Variants in FOXRED1 observed in about 807,000 individuals in gnomAD.
FOXRED1 encodes FAD dependent oxidoreductase domain containing 1.
In FOXRED1, 52 loss-of-function variants were observed where a neutral mutation model predicts 57.8. The ratio of observed to expected loss-of-function variants is 0.90; its 90% CI spans 0.72 to 1.13. The LOEUF (loss-of-function observed/expected upper bound fraction) is 1.13. FOXRED1 is among the 50% of genes most tolerant of loss of function. The pLI is 0.00. For missense variants in FOXRED1, 589 were observed against 625.2 expected (o/e 0.94, Z 0.62); for synonymous variants, 271 against 248.3 (o/e 1.09, Z -0.86).
chr11:126,277,148 G>C lies in FOXRED1; in HGVS notation c.1179G>C (p.Leu393=), dbSNP rs771774275. The change falls in exon 10 of 11, where the codon CTG becomes CTC. Residue 393 remains leucine, a synonymous_variant. Transcript: ENST00000263578. This position sits in a 1 kb window ranked among gnomAD's most constrained non-coding sequence, Gnocchi z 6.8. ...FQDKVWPHLA[L]RVPAFETLKV... ...ACAAGGTGTGGCCCCATTTGGCCCTGAGGGTCCCAGCTTTTGAGACTCTGA... is the reference window on the plus strand; with the variant it reads ...ACAAGGTGTGGCCCCATTTGGCCCTCAGGGTCCCAGCTTTTGAGACTCTGA... 1 of 1,612,306 alleles carries C rather than the reference G, an allele frequency of 6.2e-7. No homozygotes were observed. The highest frequency in any genetic ancestry group is 1.1e-5 in the South Asian group (1 of 91,052).
In FOXRED1 at chr11:126,276,578, A is replaced by G. The variant is rs1237164998; in HGVS notation, c.1101+55A>G. On this transcript the variant is annotated intron_variant, in intron 9 of 10. Transcript: ENST00000263578. The stretch of plus-strand genomic sequence containing the variant: ...AAGGAGACATAGAATAATTGTCACG[A>G]AACAATCAGGCTTTTGGCCAGGCAC... 7 of 1,581,652 alleles carry G rather than the reference A, an allele frequency of 4.4e-6. No individual in the cohort carries two copies. The East Asian group carries it at 1.6e-4, about 37-fold the overall frequency.
At chr11:126,269,349 G>A (rs1203502655) in intron 1 of FOXRED1, 58 bp downstream of exon 1, 4 of 1,613,566 alleles carry the variant, frequency 2.5e-6, no homozygotes, top group Non-Finnish European at 3.4e-6. Flanking sequence ...ACCTCCGACT[G>A]TGTGTCCTTC....
In FOXRED1 at chr11:126,273,457, G is replaced by A. The variant is rs772260644; in HGVS notation, c.536+3G>A. ...GAGAGCAACGTGAAAGTGCAGAGGT[G>A]GGTGCCTGGCACAGCCTCTTAGCTG... is the stretch of plus-strand genomic sequence containing the variant. On this transcript the variant is annotated splice_donor_region_variant and intron_variant, in intron 4 of 10. Coordinates refer to ENST00000263578, the MANE Select transcript of FOXRED1 (RefSeq NM_017547.4). The surrounding 1 kb of genome is among the most constrained non-coding windows in gnomAD (Gnocchi z 5.9). 3 of 1,593,534 alleles carry A rather than the reference G, an allele frequency of 1.9e-6. No homozygotes were observed.
rs778903746 is a variant in FOXRED1, at chr11:126,276,189, G to A, written c.941G>A (p.Gly314Asp). The change falls in exon 8 of 11, where the codon GGC becomes GAC. Residue 314 changes from glycine to aspartate, a missense_variant. Transcript: ENST00000263578. ...VGEGPPGTLQ[G>D]TKLPVEPRKR... ...GAGGGGCCGCCTGGCACCCTGCAGG[G>A]CACCAAGCTACCTGTGGAGCCGAGG... 1.2e-6 allele frequency: 2 copies of A among 1,608,126 alleles called. No individual in the cohort carries two copies. Among genetic ancestry groups the A allele is most frequent in the Non-Finnish European group, 1.7e-6 (2 of 1,178,200 alleles).
rs772700388 is a variant in FOXRED1 at position 126,271,637 on chromosome 11, G to T, written c.286G>T (p.Val96Leu). 3.8e-5 allele frequency: 62 copies of T among 1,613,796 alleles called. No individual in the cohort carries two copies. Among genetic ancestry groups the T allele is most frequent in the Non-Finnish European group, 4.1e-5 (48 of 1,179,980 alleles). ...CAGACGAGGTGCTATTCGAGTGCTAGTGGTGGAACGGGACCACACGGTGAG... is the reference window on the plus strand; with the variant it reads ...CAGACGAGGTGCTATTCGAGTGCTATTGGTGGAACGGGACCACACGGTGAG... Reference protein sequence around the residue: ...ESRRGAIRVLVVERDHTYSQA... With the variant: ...ESRRGAIRVLLVERDHTYSQA... The change falls in exon 2 of 11, where the codon GTG (valine) becomes TTG (leucine). Residue 96 changes from valine to leucine, a missense_variant. Transcript: ENST00000263578. This position sits in a 1 kb window ranked among gnomAD's most constrained non-coding sequence, Gnocchi z 5.3.
chr11:126,272,924 G>T lies in FOXRED1; in HGVS notation c.307-45G>T. 1.1e-6 allele frequency: 1 copy of T among 921,810 alleles called. No individual in the cohort carries two copies. Among genetic ancestry groups the T allele is most frequent in the South Asian group, 1.3e-5 (1 of 77,398 alleles). The allele number at this position is 921,810 out of a possible 1,614,324, so 57.1% of individuals were successfully genotyped here. On this transcript the variant is annotated intron_variant, in intron 2 of 10. Transcript: ENST00000263578. The surrounding 1 kb of genome is among the most constrained non-coding windows in gnomAD (Gnocchi z 4.6). Reference sequence around the variant, plus strand: ...TTTCATTGCAGTATTCTAGTCACATGTGATAGGGTACTGGTCTACCTCAAC... The same window carrying T: ...TTTCATTGCAGTATTCTAGTCACATTTGATAGGGTACTGGTCTACCTCAAC...
Position 126,273,371 on chromosome 11 carries a change from C to A in FOXRED1, c.453C>A (p.Asp151Glu). ...CCGTAGTCGATGCTCCTCCCCTGGA[C>A]CTCCGGTTCAACCCCTCGGGCTACC... ...YLAVVDAPPLDLRFNPSGYLL... is the reference protein window; with the variant it reads ...YLAVVDAPPLELRFNPSGYLL... Residue 151 changes from aspartate to glutamate, a missense_variant, in exon 4 of 11, where the codon GAC becomes GAA. Physicochemically the swap from Asp to Glu is conservative, Grantham distance 45 (BLOSUM62 2). Transcript: ENST00000263578. The surrounding 1 kb of genome is among the most constrained non-coding windows in gnomAD (Gnocchi z 5.9). 1 of 1,613,930 alleles carries A rather than the reference C, an allele frequency of 6.2e-7. No individual in the cohort carries two copies. Among genetic ancestry groups the A allele is most frequent in the East Asian group, 2.2e-5 (1 of 44,888 alleles).
In FOXRED1 at chr11:126,277,792, C is replaced by G. The variant is rs749534554; in HGVS notation, c.*103C>G. The G allele has an allele frequency of 7.7e-6, 10 of 1,296,340 alleles. No homozygotes were observed. In the Middle Eastern group the frequency reaches 5.8e-4, roughly 75 times the overall value. The allele number at this position is 1,296,340 out of a possible 1,614,324, so 80.3% of individuals were successfully genotyped here. ...CCAGTACTGTGCCAGGCCTTCTCCC[C>G]CTCCCCAGTGTCCTCTCCTCTCAGG... On this transcript the variant is annotated 3_prime_UTR_variant, in exon 11 of 11. Coordinates refer to ENST00000263578, the MANE Select transcript of FOXRED1 (RefSeq NM_017547.4). This position sits in a 1 kb window ranked among gnomAD's most constrained non-coding sequence, Gnocchi z 6.8.
At position 126,277,411 on chromosome 11, in the gene FOXRED1, C is replaced by G; in HGVS notation, c.1207-24C>G. 1 of 1,612,584 alleles carries G rather than the reference C, an allele frequency of 6.2e-7. No individual in the cohort carries two copies. Among genetic ancestry groups the G allele is most frequent in the Non-Finnish European group, 8.5e-7 (1 of 1,179,716 alleles). ...AGTGTGGCTACAGCCTTCCCGAGAA[C>G]CCCAGTGTTTTGTGCACCCGCAGGT... On this transcript the variant is annotated intron_variant, in intron 10 of 10. Transcript: ENST00000263578. The surrounding 1 kb of genome is among the most constrained non-coding windows in gnomAD (Gnocchi z 6.8).
rs1951051489 is a variant in FOXRED1 at position 126,273,583 on chromosome 11, A to G, written c.536+129A>G. On this transcript the variant is annotated intron_variant, in intron 4 of 10. Coordinates refer to ENST00000263578, the MANE Select transcript of FOXRED1 (RefSeq NM_017547.4). This position sits in a 1 kb window ranked among gnomAD's most constrained non-coding sequence, Gnocchi z 5.9. ...CTGCGGTCTAGGACCTCAGTGTGTC[A>G]GGAAGAAAATACACAGACCTGCAAT... 1.4e-6 allele frequency: 1 copy of G among 735,454 alleles called. No individual in the cohort carries two copies. The highest frequency in any genetic ancestry group is 2.5e-6 in the Non-Finnish European group (1 of 403,710). The allele number at this position is 735,454 out of a possible 1,614,324, so 45.6% of individuals were successfully genotyped here.
At chr11:126,276,843 T>C (rs981130320) in intron 9 of FOXRED1, 1 of 513,090 alleles carries the variant, frequency 1.9e-6, no homozygotes, top group Non-Finnish European at 3.5e-6. Flanking sequence ...GCCATTGCAC[T>C]CCAGCCTGGG....
In FOXRED1 at chr11:126,272,742, T is replaced by A; in HGVS notation, c.307-227T>A. 2 of 606,318 alleles carry A rather than the reference T, an allele frequency of 3.3e-6. No homozygotes were observed. Among genetic ancestry groups the A allele is most frequent in the Non-Finnish European group, 3.0e-6 (1 of 338,536 alleles). 37.6% of individuals were successfully genotyped at this position (606,318 alleles called of 1,614,324 possible). On this transcript the variant is annotated intron_variant, in intron 2 of 10. Coordinates refer to ENST00000263578, the MANE Select transcript of FOXRED1 (RefSeq NM_017547.4). This position sits in a 1 kb window ranked among gnomAD's most constrained non-coding sequence, Gnocchi z 4.6. ...CCAGGCCATTACCATTTTGTACCAC[T>A]GTGTCAGCTCTTTCCAGATGACTGA...
In FOXRED1 at chr11:126,269,217, G is replaced by T. The variant is rs146672359; in HGVS notation, c.11G>T (p.Arg4Met). MIR[R>M]VLPHGMGRGL... The stretch of plus-strand genomic sequence containing the variant: ...GGGCTCAGAGGGGTTATGATTCGGA[G>T]GGTTCTGCCGCACGGCATGGGCCGG... The change falls in exon 1 of 11, where the codon AGG becomes ATG. Residue 4 changes from arginine (R) to methionine (M), a missense_variant. Arg to Met is a moderately conservative substitution (Grantham distance 91). Coordinates refer to ENST00000263578, the MANE Select transcript of FOXRED1 (RefSeq NM_017547.4). 7.4e-6 allele frequency: 12 copies of T among 1,613,642 alleles called. No homozygotes were observed. Among genetic ancestry groups the T allele is most frequent in the Admixed American group, 1.7e-5 (1 of 60,016 alleles).
In FOXRED1 at chr11:126,275,412, C is replaced by T. The variant is rs1377098439; in HGVS notation, c.717C>T (p.Cys239=). Residue 239 remains cysteine, a synonymous_variant, in exon 6 of 11, where the codon TGC becomes TGT. Coordinates refer to ENST00000263578, the MANE Select transcript of FOXRED1 (RefSeq NM_017547.4). The surrounding 1 kb of genome is among the most constrained non-coding windows in gnomAD (Gnocchi z 5.9). ...TCCAGTCCTTGGGAGTCCTTTTCTG[C>T]CAGGGAGAGGTGACACGTGAGTCTG... is the stretch of plus-strand genomic sequence containing the variant. ...RKVQSLGVLF[C]QGEVTRFVSS... The T allele has an allele frequency of 1.2e-6, 2 of 1,611,560 alleles. No individual in the cohort carries two copies.
chr11:126,273,733 C>T lies in FOXRED1; in HGVS notation c.536+279C>T. ...TAAACCAGAATCTCTAGGGAAGGAG[C>T]CCACAAATCTGGGTTTTTAACAAGA... On this transcript the variant is annotated intron_variant, in intron 4 of 10. Coordinates refer to ENST00000263578, the MANE Select transcript of FOXRED1 (RefSeq NM_017547.4). This position sits in a 1 kb window ranked among gnomAD's most constrained non-coding sequence, Gnocchi z 5.9. The T allele has an allele frequency of 6.5e-6, 3 of 458,606 alleles. No individual in the cohort carries two copies. Among genetic ancestry groups the T allele is most frequent in the Middle Eastern group, 6.4e-4 (1 of 1,568 alleles). The allele number at this position is 458,606 out of a possible 1,614,324, so 28.4% of individuals were successfully genotyped here.
Position 126,269,182 on chromosome 11 carries a change from C to G in FOXRED1, c.-25C>G. On this transcript the variant is annotated 5_prime_UTR_variant, in exon 1 of 11. Transcript: ENST00000263578. Reference sequence around the variant, plus strand: ...AATAGCGAGGCAGCAGTGCAGCTTTCAGAGGGTCCGGGCTCAGAGGGGTTA... The same window carrying G: ...AATAGCGAGGCAGCAGTGCAGCTTTGAGAGGGTCCGGGCTCAGAGGGGTTA... The G allele has an allele frequency of 6.4e-7, 1 of 1,573,602 alleles. No homozygotes were observed. Among genetic ancestry groups the G allele is most frequent in the Non-Finnish European group, 8.7e-7 (1 of 1,144,062 alleles).
rs940839670 is a variant in FOXRED1, at chr11:126,274,915, C to G, written c.537-12C>G. 4 of 1,544,410 alleles carry G rather than the reference C, an allele frequency of 2.6e-6. No individual in the cohort carries two copies. The highest frequency in any genetic ancestry group is 3.6e-6 in the Non-Finnish European group (4 of 1,116,572). On this transcript the variant is annotated splice_polypyrimidine_tract_variant and intron_variant, in intron 4 of 10. Coordinates refer to ENST00000263578, the MANE Select transcript of FOXRED1 (RefSeq NM_017547.4). The surrounding 1 kb of genome is among the most constrained non-coding windows in gnomAD (Gnocchi z 4.8). ...TCTGACACACATACACCGACCCACACGTTTATCTCAGGCAGGAGGGAGCCA... is the reference window on the plus strand; with the variant it reads ...TCTGACACACATACACCGACCCACAGGTTTATCTCAGGCAGGAGGGAGCCA...
chr11:126,273,264 G>A lies in FOXRED1; in HGVS notation c.418-72G>A. ...GGGCACTGAGCCTGGGGAGCTGTGG[G>A]GGAAGAAGGCAGGAAAACTCTTTCT... On this transcript the variant is annotated intron_variant, in intron 3 of 10. Coordinates refer to ENST00000263578, the MANE Select transcript of FOXRED1 (RefSeq NM_017547.4). The surrounding 1 kb of genome is among the most constrained non-coding windows in gnomAD (Gnocchi z 5.9). The A allele has an allele frequency of 1.6e-6, 2 of 1,218,924 alleles. No individual in the cohort carries two copies. The highest frequency in any genetic ancestry group is 1.2e-6 in the Non-Finnish European group (1 of 819,688). 75.5% of individuals were successfully genotyped at this position (1,218,924 alleles called of 1,614,324 possible).
rs984817110 is a variant in FOXRED1 at position 126,275,178 on chromosome 11, C to G, written c.632-149C>G. ...CCCTGGGCCGTGGTAGTTCTCTGTCCTTCATCAGGCTTTGTCTCTGTGGTT... is the reference window on the plus strand; with the variant it reads ...CCCTGGGCCGTGGTAGTTCTCTGTCGTTCATCAGGCTTTGTCTCTGTGGTT... On this transcript the variant is annotated intron_variant, in intron 5 of 10. Transcript: ENST00000263578. This position sits in a 1 kb window ranked among gnomAD's most constrained non-coding sequence, Gnocchi z 5.9. 6.5e-5 allele frequency: 52 copies of G among 803,298 alleles called. No individual in the cohort carries two copies. The highest frequency in any genetic ancestry group is 5.4e-5 in the Non-Finnish European group (25 of 463,550). The allele number at this position is 803,298 out of a possible 1,614,324, so 49.8% of individuals were successfully genotyped here.
Sources: gnomAD v4.1 joint callset for allele counts on GRCh38, gnomAD v4.1.1 for gene constraint, Gnocchi (gnomAD v3.1) non-coding constraint, MANE v1.5 for transcripts, NCBI Gene and HGNC (gene_info 2026-07-23, HGNC 2026-07-21) for gene names.